Variants in SLC17A1 observed in about 807,000 individuals in gnomAD.
SLC17A1 encodes sodium-dependent phosphate transport protein 1.
A neutral mutation model predicts 53.5 loss-of-function variants in SLC17A1; 51 were observed. That is an observed-to-expected ratio of 0.95 (90% CI 0.76 to 1.20). SLC17A1 has a LOEUF of 1.20. SLC17A1 is among the 50% of genes most tolerant of loss of function. SLC17A1 has a pLI of 0.00. For missense variants in SLC17A1, 538 were observed against 568.2 expected (o/e 0.95, Z 0.54); for synonymous variants, 179 against 198.8 (o/e 0.90, Z 0.84).
At chr6:25,784,915 C>A (rs73383215) in intron 12 of SLC17A1, among the ~76,000 whole-genome samples, 1,559 of 152,004 alleles carry the variant, frequency 0.01, 25 homozygotes, top group African/African-American at 0.035. Flanking sequence ...CTATACAGGG[C>A]AATTAGGCAA....
chr6:25,764,433 G>A, the SLC17A1 span, among the ~76,000 whole-genome samples: 2,468 of 152,308 alleles, frequency 0.016, 38 homozygotes, highest in Non-Finnish European at 0.028. Context: ...GAAAGCCATG[G>A]AAATGAATAA....
the SLC17A1 span, among the ~76,000 whole-genome samples, chr6:25,744,694 C>T: frequency 6.6e-6 from 1 of 152,148 alleles, no homozygotes; most frequent in African/African-American, 2.4e-5. Flanking sequence ...CCCAACTCTG[C>T]ATTCAATAAT....
At chr6:25,748,808 C>T in the SLC17A1 span, among the ~76,000 whole-genome samples, 1 of 152,172 alleles carries the variant, frequency 6.6e-6, no homozygotes, top group Non-Finnish European at 1.5e-5. Context: ...TGGATGTGCA[C>T]GTAAGCCAGA....
At chr6:25,824,880 T>A (rs926691981) in intron 3 of SLC17A1, among the ~76,000 whole-genome samples, 32 of 151,944 alleles carry the variant, frequency 2.1e-4, no homozygotes, top group African/African-American at 7.2e-4. Context: ...CCCTATATTT[T>A]GCTGCTCTGT....
Position 25,832,026 on chromosome 6 carries a change from C to A in SLC17A1, c.-83G>T, listed in dbSNP as rs1039961431. 3 of 152,164 alleles carry A rather than the reference C, an allele frequency of 2.0e-5. No individual in the cohort carries two copies. Among genetic ancestry groups the A allele is most frequent in the Admixed American group, 1.3e-4 (2 of 15,274 alleles). 9.4% of individuals were successfully genotyped at this position (152,164 alleles called of 1,614,324 possible). A position where few individuals can be genotyped will look rare whatever the true frequency, so the allele number is the denominator to read the frequency against. On this transcript the variant is annotated 5_prime_UTR_variant, in exon 1 of 13. Transcript: ENST00000244527. The stretch of plus-strand genomic sequence containing the variant: ...GGGACAAAAAAGTGATTTCTTCTTC[C>A]GCTGTGAAGACTTTTCTCTCAACTT...
intron 3 of SLC17A1, among the ~76,000 whole-genome samples, chr6:25,826,162 C>T (rs1334929072): frequency 6.6e-6 from 1 of 152,064 alleles, no homozygotes; most frequent in Non-Finnish European, 1.5e-5. Context: ...CCTTCCACTC[C>T]TAATTTAAAA....
intron 10 of SLC17A1, among the ~76,000 whole-genome samples, chr6:25,806,845 C>T (rs1002451610): frequency 6.6e-6 from 1 of 151,844 alleles, no homozygotes; most frequent in African/African-American, 2.4e-5. Flanking sequence ...AACATAATCT[C>T]ATCAAAAAGT....
At chr6:25,784,614 A>C (rs1763340620) in intron 12 of SLC17A1, among the ~76,000 whole-genome samples, 1 of 152,180 alleles carries the variant, frequency 6.6e-6, no homozygotes, top group South Asian at 2.1e-4. Flanking sequence ...AACACCTCGT[A>C]CTACGCCCCA....
Position 25,811,459 on chromosome 6 carries a change from C to A in SLC17A1, c.1117G>T (p.Gly373Cys), listed in dbSNP as rs1322747120. Residue 373 changes from glycine to cysteine, a missense_variant, in exon 10 of 13, where the codon GGT (glycine) becomes TGT (cysteine). By Grantham distance (159) the Gly-to-Cys change is radical. Transcript: ENST00000244527. ...YSIVIFLILA[G>C]ATGSFCLGGV... ...CCCAAGCAAAAGCTGCCTGTTGCAC[C>A]AGCAAGTATTAGGAAAATGACAATG... 6.2e-7 allele frequency: 1 copy of A among 1,613,904 alleles called. No individual in the cohort carries two copies. Among genetic ancestry groups the A allele is most frequent in the Admixed American group, 1.7e-5 (1 of 59,988 alleles).
rs2151492798 is a variant in SLC17A1 at position 25,812,935 on chromosome 6, A to G, written c.793T>C (p.Trp265Arg). The change falls in exon 8 of 13, where the codon TGG (tryptophan) becomes CGG (arginine). Residue 265 changes from tryptophan to arginine, a missense_variant. Trp to Arg is a moderately radical substitution (Grantham distance 101). Coordinates refer to ENST00000244527, the MANE Select transcript of SLC17A1 (RefSeq NM_005074.5). ...IKAILKSLPVWAISTGSFTFF... is the reference protein window; with the variant it reads ...IKAILKSLPVRAISTGSFTFF... Reference sequence around the variant, plus strand: ...GTAAAACTACCAGTGGAAATAGCCCAGACTGGAAGCGACTTAAGTATAGCC... The same window carrying G: ...GTAAAACTACCAGTGGAAATAGCCCGGACTGGAAGCGACTTAAGTATAGCC... The G allele has an allele frequency of 6.2e-7, 1 of 1,614,112 alleles. No individual in the cohort carries two copies. Among genetic ancestry groups the G allele is most frequent in the East Asian group, 2.2e-5 (1 of 44,884 alleles).
downstream of SLC17A1, chr6:25,779,952 T>C (rs1048175586): frequency 6.6e-6 from 1 of 152,250 alleles, no homozygotes; most frequent in Non-Finnish European, 1.5e-5. Flanking sequence ...CAGTGACCCA[T>C]GATATCTGCC....
intron 10 of SLC17A1, among the ~76,000 whole-genome samples, chr6:25,802,699 T>C (rs1763817597): frequency 6.6e-6 from 1 of 152,068 alleles, no homozygotes; most frequent in Non-Finnish European, 1.5e-5. Context: ...GGCTCTGGCT[T>C]TCATTGTTTC....
At chr6:25,774,660 G>A in the SLC17A1 span, among the ~76,000 whole-genome samples, 1 of 152,212 alleles carries the variant, frequency 6.6e-6, no homozygotes, top group African/African-American at 2.4e-5. Context: ...GAGGCTGGCT[G>A]TTGGGAATGA....
the SLC17A1 span, chr6:25,769,257 A>G: frequency 7.1e-7 from 1 of 1,404,764 alleles, no homozygotes; most frequent in Non-Finnish European, 9.9e-7. Context: ...GTTATAAAAG[A>G]GTGAGATTCA....
At chr6:25,787,307 C>T (rs553180784) in intron 12 of SLC17A1, among the ~76,000 whole-genome samples, 1 of 151,020 alleles carries the variant, frequency 6.6e-6, no homozygotes, top group Non-Finnish European at 1.5e-5. Flanking sequence ...GGAAACATAG[C>T]TAAACCCCAT....
chr6:25,802,935 CTTTTTTTTTTTTTTTTTT>C (rs34669145), intron 10 of SLC17A1, among the ~76,000 whole-genome samples: 1 of 46,062 alleles, frequency 2.2e-5, no homozygotes, highest in African/African-American at 9.0e-5. Context: ...CTATCTTCTT[CTTTTTTTTTTTTTTTTTT>C]TTTTTTTTTT....
At chr6:25,792,763 A>G (rs1174423939) in intron 12 of SLC17A1, among the ~76,000 whole-genome samples, 2 of 152,116 alleles carry the variant, frequency 1.3e-5, no homozygotes, top group African/African-American at 4.8e-5. Context: ...CTTTCTGCAT[A>G]GTTCACAATC....
At chr6:25,803,107 C>T (rs897941490) in intron 10 of SLC17A1, among the ~76,000 whole-genome samples, 1 of 151,506 alleles carries the variant, frequency 6.6e-6, no homozygotes, top group African/African-American at 2.4e-5. Context: ...CCACCATGCC[C>T]AGCTAATTTT....
chr6:25,773,170 G>T, the SLC17A1 span: 65 of 838,742 alleles, frequency 7.7e-5, 2 homozygotes, highest in Middle Eastern at 1.4e-3. Flanking sequence ...CAGGAAGAGT[G>T]GTGTACTGAG....
Sources: gnomAD v4.1 joint callset for allele counts (sites outside exome capture counted in the v4.1 genomes callset) on GRCh38, gnomAD v4.1.1 for gene constraint, MANE v1.5 for transcripts, NCBI Gene and HGNC (gene_info 2026-07-23, HGNC 2026-07-21) for gene names.